The following TPTE2 variants were observed in gnomAD, a reference collection of about 807,000 sequenced individuals.
TPTE2 encodes the protein phosphatidylinositol 3,4,5-trisphosphate 3-phosphatase TPTE2.
Under a neutral mutation model 78.6 loss-of-function variants are expected in TPTE2, and 53 were observed. That is an observed-to-expected ratio of 0.67 (90% confidence interval 0.54 to 0.85). The LOEUF is 0.85. Ranked by LOEUF, TPTE2 falls within the 40% of genes least tolerant of loss-of-function variation. The probability of loss-of-function intolerance (pLI) is 0.00; values close to 1 mark genes in which losing one functional copy is unlikely to be tolerated. For missense variants in TPTE2, 461 were observed against 623.0 expected, an observed-to-expected ratio of 0.74 and a Z score of 2.77; for synonymous variants, 175 against 206.2, an observed-to-expected ratio of 0.85 and a Z score of 1.30.
At chr13:19,498,205 C>G (rs1179298988) in intron 1 of TPTE2, among the ~76,000 whole-genome samples, 6 of 152,014 alleles carry the variant, frequency 3.9e-5, no homozygotes, top group Non-Finnish European at 7.4e-5. Flanking sequence ...GAGAATGGAA[C>G]CAAGTTGGAA....
the TPTE2 span, among the ~76,000 whole-genome samples, chr13:19,554,324 A>G: frequency 3.3e-5 from 5 of 151,970 alleles, no homozygotes. Flanking sequence ...GCAGTGAGCC[A>G]AGATCGTGCC....
At chr13:19,540,463 C>T (rs1871409555), upstream of TPTE2, among the ~76,000 whole-genome samples, 1 of 151,844 alleles carries the variant, frequency 6.6e-6, no homozygotes, top group South Asian at 2.1e-4. Context: ...TGCCACCACA[C>T]CCAACTAACT....
chr13:19,473,816 G>A (rs954683059), intron 6 of TPTE2, 98 bp downstream of exon 9: 60 of 1,088,392 alleles, frequency 5.5e-5, no homozygotes, highest in Non-Finnish European at 6.7e-5. Context: ...GGATTGTGTC[G>A]AACTCCTGAC....
intron 10 of TPTE2, among the ~76,000 whole-genome samples, chr13:19,454,329 G>C (rs1211817392): frequency 6.6e-6 from 1 of 152,140 alleles, no homozygotes; most frequent in Non-Finnish European, 1.5e-5. Flanking sequence ...GCCTGGATTT[G>C]AATCTTCTCC....
At chr13:19,533,600 T>C (rs1249455598) in intron 1 of TPTE2, among the ~76,000 whole-genome samples, 3 of 152,204 alleles carry the variant, frequency 2.0e-5, no homozygotes, top group Non-Finnish European at 4.4e-5. Flanking sequence ...ACGGATACTA[T>C]TTTTGAAGCA....
At chr13:19,424,622 CA>C (rs1875880068) in intron 19 of TPTE2, among the ~76,000 whole-genome samples, 2 of 152,246 alleles carry the variant, frequency 1.3e-5, no homozygotes, top group African/African-American at 4.8e-5. Context: ...AGGGACCTGA[CA>C]TACTGAAGGT....
chr13:19,550,170 AT>A, the TPTE2 span, among the ~76,000 whole-genome samples: 2 of 151,582 alleles, frequency 1.3e-5, no homozygotes, highest in Non-Finnish European at 2.9e-5. Flanking sequence ...TAAAAAAAAA[AT>A]AGGAGGAAAA....
chr13:19,526,527 G>A (rs8001402), intron 1 of TPTE2, among the ~76,000 whole-genome samples: 110,792 of 150,278 alleles, frequency 0.74, 43,283 homozygotes, highest in East Asian at 0.96. Flanking sequence ...AGTACACATG[G>A]GCACAAATAT....
chr13:19,444,097 G>A (rs1468404086), intron 13 of TPTE2, among the ~76,000 whole-genome samples: 2 of 151,256 alleles, frequency 1.3e-5, no homozygotes, highest in African/African-American at 4.9e-5. Flanking sequence ...TTGAGCGCAG[G>A]AGTTTGAGAC....
chr13:19,431,676 G>A (rs1876614900), intron 16 of TPTE2, among the ~76,000 whole-genome samples: 1 of 149,584 alleles, frequency 6.7e-6, no homozygotes, highest in Non-Finnish European at 1.5e-5. Context: ...CATTCCAGGT[G>A]CAGAACTTCC....
chr13:19,544,244 A>G, the TPTE2 span, among the ~76,000 whole-genome samples: 1 of 152,064 alleles, frequency 6.6e-6, no homozygotes, highest in Non-Finnish European at 1.5e-5. Flanking sequence ...CTTAAACACA[A>G]CATAGGTAGA....
At chr13:19,434,856 C>A (rs1017095260) in intron 15 of TPTE2, among the ~76,000 whole-genome samples, 2 of 152,174 alleles carry the variant, frequency 1.3e-5, no homozygotes, top group African/African-American at 4.8e-5. Flanking sequence ...CTGTGCACAG[C>A]AAGGGCTTCA....
intron 1 of TPTE2, chr13:19,536,481 T>A (rs1017319001): frequency 6.6e-6 from 1 of 152,202 alleles, no homozygotes; most frequent in African/African-American, 2.4e-5. Flanking sequence ...TGTTGATCAT[T>A]CCTGTGCTTT....
At chr13:19,559,437 T>C in the TPTE2 span, among the ~76,000 whole-genome samples, 1 of 151,312 alleles carries the variant, frequency 6.6e-6, no homozygotes, top group Non-Finnish European at 1.5e-5. Flanking sequence ...ATAGAGGCAG[T>C]GCTCTCCTAC....
At chr13:19,547,758 A>G in the TPTE2 span, among the ~76,000 whole-genome samples, 2 of 93,848 alleles carry the variant, frequency 2.1e-5, no homozygotes, top group South Asian at 4.1e-4. Flanking sequence ...GCAGGACAAT[A>G]TGTGTATAGT....
At chr13:19,470,475 A>G (rs1259033322) in intron 6 of TPTE2, among the ~76,000 whole-genome samples, 1 of 152,060 alleles carries the variant, frequency 6.6e-6, no homozygotes, top group East Asian at 1.9e-4. Flanking sequence ...CAGATATATT[A>G]GCATGTTTTT....
chr13:19,481,544 A>G (rs1880357970), intron 4 of TPTE2, among the ~76,000 whole-genome samples: 1 of 152,176 alleles, frequency 6.6e-6, no homozygotes, highest in Non-Finnish European at 1.5e-5. Flanking sequence ...TCCTATATCT[A>G]TGTAATGAGA....
At chr13:19,511,487 C>T (rs1869439608) in intron 1 of TPTE2, among the ~76,000 whole-genome samples, 1 of 152,048 alleles carries the variant, frequency 6.6e-6, no homozygotes, top group Non-Finnish European at 1.5e-5. Context: ...TATATCTGTA[C>T]TCTCATCTAG....
At chr13:19,516,223 G>A (rs1264653720) in intron 1 of TPTE2, among the ~76,000 whole-genome samples, 4 of 152,130 alleles carry the variant, frequency 2.6e-5, no homozygotes, top group African/African-American at 4.8e-5. Flanking sequence ...GTACGTCTCC[G>A]ACCAAATCTG....
Sources: allele counts gnomAD v4.1 joint callset (sites outside exome capture counted in the v4.1 genomes callset), GRCh38; gene constraint gnomAD v4.1.1; transcripts MANE v1.5; gene names NCBI Gene and HGNC (gene_info 2026-07-23, HGNC 2026-07-21).